The following LHFPL2 variants were observed in gnomAD, a reference collection of about 807,000 sequenced individuals.
LHFPL2 encodes the protein LHFPL tetraspan subfamily member 2 protein.
LHFPL2 carries 7 observed loss-of-function variants against 17.5 expected under a neutral mutation model. That is an observed-to-expected ratio of 0.40 (90% confidence interval 0.23 to 0.75). The LOEUF is 0.75. Ranked by LOEUF, LHFPL2 falls within the 30% of genes least tolerant of loss-of-function variation. The probability of loss-of-function intolerance (pLI) is 0.37; values close to 1 mark genes in which losing one functional copy is unlikely to be tolerated. For missense variants in LHFPL2, 241 were observed against 294.8 expected (o/e 0.82, Z 1.34); for synonymous variants, 134 against 116.2 (o/e 1.15, Z -0.99).
At chr5:78,579,783 G>A (rs985793054) in intron 2 of LHFPL2, among the ~76,000 whole-genome samples, 1 of 152,154 alleles carries the variant, frequency 6.6e-6, no homozygotes, top group Non-Finnish European at 1.5e-5. Flanking sequence ...TTGCTATTGT[G>A]AATAATGCCG....
intron 2 of LHFPL2, among the ~76,000 whole-genome samples, chr5:78,583,140 T>A (rs1310949515): frequency 6.6e-6 from 1 of 151,720 alleles, no homozygotes; most frequent in African/African-American, 2.4e-5. Context: ...GCTTGGTAGA[T>A]CTTCCTCCAT....
At chr5:78,578,716 T>A (rs1757198573) in intron 2 of LHFPL2, among the ~76,000 whole-genome samples, 1 of 152,176 alleles carries the variant, frequency 6.6e-6, no homozygotes, top group Non-Finnish European at 1.5e-5. Context: ...GTGAAATGAA[T>A]GACTTGACTT....
chr5:78,523,127 TG>T (rs1755509349), intron 3 of LHFPL2, among the ~76,000 whole-genome samples: 1 of 151,960 alleles, frequency 6.6e-6, no homozygotes, highest in Non-Finnish European at 1.5e-5. Context: ...TGTGTGTGTG[TG>T]TGTGTGTGTA....
intron 2 of LHFPL2, chr5:78,590,275 G>A (rs961806375): frequency 6.6e-6 from 1 of 152,144 alleles, no homozygotes; most frequent in Admixed American, 6.6e-5. Flanking sequence ...CTACTTTCAG[G>A]TCATTATCTT....
At chr5:78,586,302 T>C (rs1743396213) in intron 2 of LHFPL2, among the ~76,000 whole-genome samples, 1 of 152,170 alleles carries the variant, frequency 6.6e-6, no homozygotes, top group East Asian at 1.9e-4. Flanking sequence ...TTCACAGTGA[T>C]CAAACAGGAC....
chr5:78,631,306 T>C (rs1373516088), intron 2 of LHFPL2, among the ~76,000 whole-genome samples: 5 of 152,178 alleles, frequency 3.3e-5, no homozygotes, highest in African/African-American at 9.7e-5. Flanking sequence ...CAACTCTGTG[T>C]CTCTCCAAGG....
intron 4 of LHFPL2, among the ~76,000 whole-genome samples, chr5:78,500,926 A>G (rs1291983075): frequency 6.6e-6 from 1 of 152,186 alleles, no homozygotes; most frequent in Non-Finnish European, 1.5e-5. Flanking sequence ...TTAAATTCCA[A>G]CACCTATAAA....
chr5:78,647,114 A>C (rs551769607), intron 1 of LHFPL2, among the ~76,000 whole-genome samples: 2 of 152,384 alleles, frequency 1.3e-5, no homozygotes, highest in East Asian at 3.9e-4. Flanking sequence ...AATCAGAATC[A>C]GATTTCTAAC....
chr5:78,513,443 A>G (rs1205790772), intron 3 of LHFPL2, among the ~76,000 whole-genome samples: 3 of 152,152 alleles, frequency 2.0e-5, no homozygotes, highest in Non-Finnish European at 4.4e-5. Flanking sequence ...TCTGTTTTCA[A>G]TAGGGGGATA....
At chr5:78,518,334 C>T (rs533194776) in intron 3 of LHFPL2, among the ~76,000 whole-genome samples, 3 of 152,156 alleles carry the variant, frequency 2.0e-5, no homozygotes, top group African/African-American at 4.8e-5. Flanking sequence ...TTTGGGAGGC[C>T]GAGGCGGGCA....
At chr5:78,567,680 C>A (rs1274250577) in intron 2 of LHFPL2, among the ~76,000 whole-genome samples, 1 of 152,174 alleles carries the variant, frequency 6.6e-6, no homozygotes, top group African/African-American at 2.4e-5. Context: ...GATGAGGAAG[C>A]AGGCAAAAAG....
chr5:78,600,513 G>A lies in LHFPL2; in HGVS notation c.-245+31751C>T, dbSNP rs945683043. On this transcript the variant is annotated intron_variant, in intron 2 of 4. Coordinates refer to ENST00000380345, the MANE Select transcript of LHFPL2 (RefSeq NM_005779.3). ...GGAGGCTGAGGCAGGTGGATAACCT[G>A]AGGTCAGGAGTTCAAGACCAGCCTG... 7.2e-5 allele frequency among the ~76,000 whole-genome samples: 11 copies of A among 152,132 alleles called. 1 individual carries two copies. Among genetic ancestry groups the A allele is most frequent in the Non-Finnish European group, 4.4e-5 (3 of 68,030 alleles).
intron 3 of LHFPL2, 131 bp from the exon 4 acceptor site, chr5:78,510,529 C>A: frequency 2.9e-6 from 1 of 349,636 alleles, no homozygotes; most frequent in East Asian, 5.4e-5. Flanking sequence ...GGCTAGCATG[C>A]CAGGCGGTTG....
intron 2 of LHFPL2, among the ~76,000 whole-genome samples, chr5:78,585,270 G>C (rs1743339459): frequency 8.3e-6 from 1 of 120,628 alleles, no homozygotes. Context: ...GCCTCCCAAA[G>C]TGCTGGGATT....
rs1754238412 is a variant in LHFPL2 at position 78,486,307 on chromosome 5, T to TCCCATCCCGTCATGAGACTTTC, written c.*2568_*2589dup. ...AGAGTTCATTGAGAAGCGCAGCCCA[T>TCCCATCCCGTCATGAGACTTTC]CCCATCCCGTCATGAGACTTTCTTT... On this transcript the variant is annotated 3_prime_UTR_variant, in exon 5 of 5. Transcript: ENST00000380345. 6.6e-6 allele frequency: 1 copy of TCCCATCCCGTCATGAGACTTTC among 152,306 alleles called. No individual in the cohort carries two copies. The highest frequency in any genetic ancestry group is 1.5e-5 in the Non-Finnish European group (1 of 68,026). The allele number at this position is 152,306 out of a possible 1,614,324, so 9.4% of individuals were successfully genotyped here. A position where few individuals can be genotyped will look rare whatever the true frequency, so the allele number is the denominator to read the frequency against.
intron 2 of LHFPL2, among the ~76,000 whole-genome samples, chr5:78,624,524 G>A (rs915090271): frequency 6.6e-6 from 1 of 152,172 alleles, no homozygotes; most frequent in Non-Finnish European, 1.5e-5. Flanking sequence ...GCCCAGAGTG[G>A]GCAGATGAAA....
intron 1 of LHFPL2, chr5:78,644,925 A>G (rs983565668): frequency 1.9e-5 from 3 of 156,220 alleles, no homozygotes; most frequent in African/African-American, 7.2e-5. Flanking sequence ...GGCTGTCTCT[A>G]TGGTGCTCAG....
chr5:78,518,822 G>C (rs570921734), intron 3 of LHFPL2, among the ~76,000 whole-genome samples: 5 of 152,340 alleles, frequency 3.3e-5, no homozygotes, highest in African/African-American at 1.2e-4. Flanking sequence ...TTTCTGGGAA[G>C]AGGGACTTAT....
At chr5:78,605,292 A>C (rs145763279) in intron 2 of LHFPL2, among the ~76,000 whole-genome samples, 9 of 152,342 alleles carry the variant, frequency 5.9e-5, no homozygotes, top group African/African-American at 2.2e-4. Context: ...ACACCCAGGC[A>C]ATCAACGCAA....
Sources: allele counts gnomAD v4.1 joint callset (sites outside exome capture counted in the v4.1 genomes callset), GRCh38; gene constraint gnomAD v4.1.1; transcripts MANE v1.5; gene names NCBI Gene and HGNC (gene_info 2026-07-23, HGNC 2026-07-21).